Variants in DAB1 observed in about 807,000 individuals in gnomAD.
DAB1 encodes the protein disabled homolog 1.
Under a neutral mutation model 64.6 loss-of-function variants are expected in DAB1, and 15 were observed. The ratio of observed to expected loss-of-function variants is 0.23; its 90% CI spans 0.16 to 0.36. The LOEUF is 0.36. DAB1 is among the 10% of genes least tolerant of loss of function. The pLI is 1.00. For synonymous variants in DAB1, 235 were observed against 251.9 expected (o/e 0.93, Z 0.64); for missense variants, 596 against 706.7 (o/e 0.84, Z 1.78).
intron 4 of DAB1, among the ~76,000 whole-genome samples, chr1:58,236,609 A>G (rs1255490601): frequency 1.3e-5 from 2 of 152,230 alleles, no homozygotes; most frequent in Admixed American, 6.5e-5. Context: ...GTGTGCATAA[A>G]TAGTCCTTTG....
At chr1:58,441,939 C>A (rs1200774485) in intron 3 of DAB1, among the ~76,000 whole-genome samples, 1 of 152,128 alleles carries the variant, frequency 6.6e-6, no homozygotes, top group Non-Finnish European at 1.5e-5. Flanking sequence ...ACGAAAGAGA[C>A]CGAGGGGGCG....
intron 2 of DAB1, among the ~76,000 whole-genome samples, chr1:57,212,035 T>A (rs1038813829): frequency 6.6e-6 from 1 of 152,060 alleles, no homozygotes; most frequent in Non-Finnish European, 1.5e-5. Context: ...CCATAACTGT[T>A]GCTACAATAG....
At chr1:57,506,124 G>A (rs1644340324) in intron 7 of DAB1, among the ~76,000 whole-genome samples, 1 of 152,166 alleles carries the variant, frequency 6.6e-6, no homozygotes, top group Non-Finnish European at 1.5e-5. Context: ...TTCTTGCGGT[G>A]CCAGAGTCCT....
intron 5 of DAB1, chr1:58,074,560 GTGTGTATATATATATAT>G (rs1649500269): frequency 2.5e-5 from 1 of 40,294 alleles, no homozygotes; most frequent in Non-Finnish European, 4.0e-5. Flanking sequence ...ATATATATAT[GTGTGTATATATATATAT>G]ATATATATAT....
chr1:57,991,852 A>AC (rs2100377427), intron 5 of DAB1, among the ~76,000 whole-genome samples: 1 of 149,170 alleles, frequency 6.7e-6, no homozygotes, highest in African/African-American at 2.5e-5. Flanking sequence ...TCTCAAAAAA[A>AC]AAAAAAAAAA....
At chr1:57,664,767 A>G (rs1352467115) in intron 6 of DAB1, among the ~76,000 whole-genome samples, 8 of 152,080 alleles carry the variant, frequency 5.3e-5, no homozygotes, top group Admixed American at 5.2e-4. Flanking sequence ...ATTAAGTGAT[A>G]ATAAAGAACA....
chr1:57,762,004 TGCCATGGACAGAGC>T (rs1649110473), intron 6 of DAB1, among the ~76,000 whole-genome samples: 1 of 152,186 alleles, frequency 6.6e-6, no homozygotes, highest in Non-Finnish European at 1.5e-5. Context: ...TGGTATCAGC[TGCCATGGACAGAGC>T]GTCATTTGCA....
intron 2 of DAB1, among the ~76,000 whole-genome samples, chr1:57,209,340 G>C (rs1271200314): frequency 1.3e-5 from 2 of 152,152 alleles, no homozygotes; most frequent in Admixed American, 6.5e-5. Context: ...TGATTTTTCT[G>C]CTTAAAAATA....
At chr1:58,532,675 G>T (rs1646453106) in intron 1 of DAB1, among the ~76,000 whole-genome samples, 1 of 151,880 alleles carries the variant, frequency 6.6e-6, no homozygotes, top group African/African-American at 2.4e-5. Flanking sequence ...CTACAGGTGT[G>T]AGCCACCATG....
intron 4 of DAB1, among the ~76,000 whole-genome samples, chr1:58,280,915 G>C (rs1661545603): frequency 6.6e-6 from 1 of 152,202 alleles, no homozygotes; most frequent in Non-Finnish European, 1.5e-5. Flanking sequence ...AAGAGCAAAA[G>C]AGGCTAAGAG....
intron 1 of DAB1, among the ~76,000 whole-genome samples, chr1:57,871,437 TCCGA>T (rs1417975497): frequency 3.3e-5 from 5 of 152,164 alleles, no homozygotes; most frequent in African/African-American, 1.2e-4. Flanking sequence ...AAATTATCTT[TCCGA>T]AGATCACACA....
At chr1:58,272,862 G>A (rs1047893276) in intron 4 of DAB1, among the ~76,000 whole-genome samples, 2 of 135,010 alleles carry the variant, frequency 1.5e-5, no homozygotes, top group African/African-American at 5.6e-5. Flanking sequence ...CATTTGCTTG[G>A]TAGATCTTCC....
intron 6 of DAB1, among the ~76,000 whole-genome samples, chr1:57,808,197 G>GCA (rs3081057): frequency 0.019 from 2,782 of 148,266 alleles, 34 homozygotes; most frequent in African/African-American, 0.03. Flanking sequence ...ACATGCACAT[G>GCA]CACACACACA....
At chr1:57,447,530 G>A (rs1686187591) in intron 7 of DAB1, among the ~76,000 whole-genome samples, 1 of 152,132 alleles carries the variant, frequency 6.6e-6, no homozygotes, top group East Asian at 1.9e-4. Flanking sequence ...GTTTTTAGAG[G>A]AAGATTTACT....
intron 9 of DAB1, among the ~76,000 whole-genome samples, chr1:57,053,373 G>A (rs530335840): frequency 1.2e-3 from 186 of 151,786 alleles, no homozygotes; most frequent in Non-Finnish European, 2.3e-3. Context: ...TCAGGCCCCC[G>A]AGTAGCTAGG....
At chr1:57,368,019 G>A (rs940190175) in intron 1 of DAB1, among the ~76,000 whole-genome samples, 14 of 152,222 alleles carry the variant, frequency 9.2e-5, no homozygotes, top group African/African-American at 3.4e-4. Context: ...TGCTCCCATG[G>A]CCTGGCTTCT....
At chr1:57,009,410 A>G (rs1646196053) in intron 14 of DAB1, among the ~76,000 whole-genome samples, 1 of 152,206 alleles carries the variant, frequency 6.6e-6, no homozygotes, top group African/African-American at 2.4e-5. Flanking sequence ...GCACTGATAC[A>G]AAATGTGGCA....
chr1:58,528,003 C>T lies in DAB1; in HGVS notation n.33-668G>A, dbSNP rs144532977. Among the ~76,000 whole-genome samples, 5 of 152,308 alleles carry T rather than the reference C, an allele frequency of 3.3e-5. No individual in the cohort carries two copies. In the East Asian group the frequency reaches 9.6e-4, roughly 29 times the overall value. On this transcript the variant is annotated intron_variant and non_coding_transcript_variant, in intron 1 of 20. Transcript: ENST00000485760. ...ACTTTGTAGGAGATGAATCAATAGGCAGGACTTTTGAGAAAAGAGCTATTA... is the reference window on the plus strand; with the variant it reads ...ACTTTGTAGGAGATGAATCAATAGGTAGGACTTTTGAGAAAAGAGCTATTA...
At chr1:57,067,990 T>A (rs1651088236) in intron 8 of DAB1, among the ~76,000 whole-genome samples, 1 of 152,206 alleles carries the variant, frequency 6.6e-6, no homozygotes, top group African/African-American at 2.4e-5. Context: ...GAGCCTGGAC[T>A]ACAACCCAGC....
Sources: gnomAD v4.1 joint callset for allele counts (sites outside exome capture counted in the v4.1 genomes callset) on GRCh38, gnomAD v4.1.1 for gene constraint, MANE v1.5 for transcripts, NCBI Gene and HGNC (gene_info 2026-07-23, HGNC 2026-07-21) for gene names.